Variants in NEURL1B observed in about 807,000 individuals in gnomAD.
The protein encoded by NEURL1B is neuralized E3 ubiquitin protein ligase 1B, also known as E3 ubiquitin-protein ligase NEURL1B.
In NEURL1B, 13 loss-of-function variants were observed where a neutral mutation model predicts 37.4. The observed-to-expected ratio is 0.35, with a 90% CI of 0.23 to 0.55. The LOEUF is 0.55. Ranked by LOEUF, NEURL1B falls within the 20% of genes least tolerant of loss-of-function variation. The pLI, the probability that NEURL1B is intolerant of heterozygous loss-of-function variation, is 0.89. For missense variants in NEURL1B, 790 were observed against 879.2 expected, an observed-to-expected ratio of 0.90 and a Z score of 1.28; for synonymous variants, 432 against 426.6, an observed-to-expected ratio of 1.01 and a Z score of -0.16.
At chr5:172,646,607 C>G (rs1396857546) in intron 1 of NEURL1B, among the ~76,000 whole-genome samples, 3 of 152,140 alleles carry the variant, frequency 2.0e-5, no homozygotes, top group African/African-American at 7.2e-5. Context: ...TTACAGTTCT[C>G]CTGCAGGGGA....
At chr5:172,680,397 G>A (rs1758325896) in intron 2 of NEURL1B, among the ~76,000 whole-genome samples, 1 of 151,806 alleles carries the variant, frequency 6.6e-6, no homozygotes, top group African/African-American at 2.4e-5. Flanking sequence ...GAGCCGCTGG[G>A]GGACAAGAGG....
intron 1 of NEURL1B, chr5:172,656,781 A>T: frequency 1.4e-6 from 1 of 693,294 alleles, no homozygotes; most frequent in Non-Finnish European, 2.5e-6. Context: ...ACACACTGAC[A>T]TATTAATTCT....
At chr5:172,658,482 A>G (rs563403363) in intron 1 of NEURL1B, among the ~76,000 whole-genome samples, 1 of 152,324 alleles carries the variant, frequency 6.6e-6, no homozygotes, top group African/African-American at 2.4e-5. Context: ...GAGAAGGACG[A>G]GACACGCATC....
intron 1 of NEURL1B, among the ~76,000 whole-genome samples, chr5:172,646,949 G>A (rs1243819668): frequency 6.6e-6 from 1 of 152,046 alleles, no homozygotes; most frequent in Non-Finnish European, 1.5e-5. Flanking sequence ...GTCTGGAGGC[G>A]GGGGCCGGGG....
rs1198823260 is a variant in NEURL1B, at chr5:172,647,327, T to C, written c.31+5890T>C. The stretch of plus-strand genomic sequence containing the variant: ...AGTGTCGCGGGGTGGTCCGAGCTTC[T>C]GCACACCTGCCCTGCACTAGGCCCT... On this transcript the variant is annotated intron_variant, in intron 1 of 4. Transcript: ENST00000369800. The surrounding 1 kb of genome is among the most constrained non-coding windows in gnomAD (Gnocchi z 4.2). Among the ~76,000 whole-genome samples, 1 of 152,158 alleles carries C rather than the reference T, an allele frequency of 6.6e-6. No individual in the cohort carries two copies. The highest frequency in any genetic ancestry group is 1.5e-5 in the Non-Finnish European group (1 of 68,016).
At chr5:172,669,450 T>C (rs953421700) in intron 1 of NEURL1B, among the ~76,000 whole-genome samples, 2 of 151,712 alleles carry the variant, frequency 1.3e-5, no homozygotes, top group African/African-American at 4.8e-5. Context: ...TGTGGAGGGA[T>C]TTGATGGGGA....
chr5:172,684,488 G>A (rs1758444292), intron 3 of NEURL1B, among the ~76,000 whole-genome samples: 1 of 152,184 alleles, frequency 6.6e-6, no homozygotes, highest in Non-Finnish European at 1.5e-5. Flanking sequence ...TATCCCCTCG[G>A]TAAATGGTCG....
chr5:172,649,076 G>A (rs960753492), intron 1 of NEURL1B, among the ~76,000 whole-genome samples: 3 of 152,248 alleles, frequency 2.0e-5, no homozygotes, highest in African/African-American at 7.2e-5. Flanking sequence ...TGACCAGTGT[G>A]TAGACATCAA....
chr5:172,670,046 G>A lies in NEURL1B; in HGVS notation c.293G>A (p.Arg98His). 1 of 1,512,946 alleles carries A rather than the reference G, an allele frequency of 6.6e-7. No individual in the cohort carries two copies. 93.7% of individuals were successfully genotyped at this position (1,512,946 alleles called of 1,614,324 possible). A position where few individuals can be genotyped will look rare whatever the true frequency, so the allele number is the denominator to read the frequency against. ...AVRPGWSGAL[R>H]FGFTAHDPSL... ...CGCCCTGGCTGGAGCGGCGCGCTGCGCTTCGGCTTCACCGCGCACGATCCG... is the reference window on the plus strand; with the variant it reads ...CGCCCTGGCTGGAGCGGCGCGCTGCACTTCGGCTTCACCGCGCACGATCCG... The change falls in exon 2 of 5, where the codon CGC becomes CAC. Residue 98 changes from arginine (R) to histidine (H), a missense_variant. Physicochemically the swap from Arg to His is conservative, Grantham distance 29. Coordinates refer to ENST00000369800, the MANE Select transcript of NEURL1B (RefSeq NM_001142651.3).
intron 2 of NEURL1B, among the ~76,000 whole-genome samples, chr5:172,674,683 C>T (rs1311315699): frequency 1.3e-5 from 2 of 152,150 alleles, no homozygotes; most frequent in Admixed American, 1.3e-4. Flanking sequence ...CATAGGTGTA[C>T]ATTGCCCCTT....
intron 1 of NEURL1B, among the ~76,000 whole-genome samples, chr5:172,663,829 T>TTTATTATTATTATTATTATTATTA (rs60738970): frequency 5.7e-4 from 80 of 140,844 alleles, no homozygotes; most frequent in East Asian, 1.0e-3. Context: ...GTTTTATTTG[T>TTTATTATTATTATTATTATTATTA]TTATTATTAT....
chr5:172,678,219 A>G (rs1423756796), intron 2 of NEURL1B, among the ~76,000 whole-genome samples: 1 of 152,208 alleles, frequency 6.6e-6, no homozygotes, highest in Non-Finnish European at 1.5e-5. Flanking sequence ...TGTGTAATAC[A>G]ATATGCATAT....
rs1288054081 is a variant in NEURL1B at position 172,686,023 on chromosome 5, C to T, written c.1298-148C>T. Reference sequence around the variant, plus strand: ...AGAACAGAGGCACCACACTGGGATGCACTCTTCACTCCTCAGCAGAACCCT... The same window carrying T: ...AGAACAGAGGCACCACACTGGGATGTACTCTTCACTCCTCAGCAGAACCCT... On this transcript the variant is annotated intron_variant, in intron 3 of 4. Transcript: ENST00000369800. This position sits in a 1 kb window ranked among gnomAD's most constrained non-coding sequence, Gnocchi z 7.9. The T allele has an allele frequency of 2.4e-6, 2 of 842,154 alleles. No homozygotes were observed. The highest frequency in any genetic ancestry group is 3.6e-6 in the Non-Finnish European group (2 of 557,378). The allele number at this position is 842,154 out of a possible 1,614,324, so 52.2% of individuals were successfully genotyped here. A position where few individuals can be genotyped will look rare whatever the true frequency, so the allele number is the denominator to read the frequency against.
At chr5:172,673,215 C>T (rs1758164603) in intron 2 of NEURL1B, among the ~76,000 whole-genome samples, 1 of 152,044 alleles carries the variant, frequency 6.6e-6, no homozygotes. Flanking sequence ...CTGCTGTTTC[C>T]AGGACAGGAT....
chr5:172,684,039 G>A lies in NEURL1B; in HGVS notation c.1198G>A (p.Gly400Arg). ...CGGCGACGTGCTCCTGGGCATCAAC[G>A]GGCGTCCGCGCGGCCGCCTGCTGTG... ...PGGDVLLGIN[G>R]RPRGRLLCVD... The change falls in exon 3 of 5, where the codon GGG (glycine) becomes AGG (arginine). Residue 400 changes from glycine to arginine, a missense_variant. By Grantham distance (125) the Gly-to-Arg change is moderately radical (BLOSUM62 -2). Coordinates refer to ENST00000369800, the MANE Select transcript of NEURL1B (RefSeq NM_001142651.3). The A allele has an allele frequency of 1.5e-6, 2 of 1,335,004 alleles. No individual in the cohort carries two copies. Among genetic ancestry groups the A allele is most frequent in the Non-Finnish European group, 1.9e-6 (2 of 1,040,208 alleles). 82.7% of individuals were successfully genotyped at this position (1,335,004 alleles called of 1,614,324 possible).
At chr5:172,658,026 C>T (rs187061385) in intron 1 of NEURL1B, among the ~76,000 whole-genome samples, 2 of 152,314 alleles carry the variant, frequency 1.3e-5, no homozygotes, top group East Asian at 3.9e-4. Flanking sequence ...GCCCCCTGTC[C>T]AGTGATCACG....
Position 172,674,318 on chromosome 5 carries a change from T to C in NEURL1B, c.577+3988T>C, listed in dbSNP as rs192782262. 1.2e-3 allele frequency among the ~76,000 whole-genome samples: 178 copies of C among 152,222 alleles called. 1 individual carries two copies. The highest frequency in any genetic ancestry group is 2.0e-3 in the Non-Finnish European group (137 of 67,994). ...GTAGGCCTCACATATTTTTTTTGCC[T>C]GGTGGAACTTTGAGCCCAGCCCAGT... is the stretch of plus-strand genomic sequence containing the variant. On this transcript the variant is annotated intron_variant, in intron 2 of 4. Coordinates refer to ENST00000369800, the MANE Select transcript of NEURL1B (RefSeq NM_001142651.3).
At chr5:172,670,420 GGA>G in intron 2 of NEURL1B, 90 bp downstream of exon 2, 1 of 1,075,344 alleles carries the variant, frequency 9.3e-7, no homozygotes, top group Non-Finnish European at 1.2e-6. Context: ...AGTCACTTAT[GGA>G]GAGCTCCTTT....
rs1242488947 is a variant in NEURL1B, at chr5:172,683,214, T to C, written c.578-205T>C. 2.0e-5 allele frequency among the ~76,000 whole-genome samples: 3 copies of C among 152,056 alleles called. No individual in the cohort carries two copies. Among genetic ancestry groups the C allele is most frequent in the Admixed American group, 6.6e-5 (1 of 15,260 alleles). On this transcript the variant is annotated intron_variant, in intron 2 of 4. Coordinates refer to ENST00000369800, the MANE Select transcript of NEURL1B (RefSeq NM_001142651.3). This position sits in a 1 kb window ranked among gnomAD's most constrained non-coding sequence, Gnocchi z 5.6. ...AAGAGCATGTCAAGGAAACCGAGGATGGTGCTTAATGCAATTCTGTGCTCC... is the reference window on the plus strand; with the variant it reads ...AAGAGCATGTCAAGGAAACCGAGGACGGTGCTTAATGCAATTCTGTGCTCC...
Sources: gnomAD v4.1 joint callset for allele counts (sites outside exome capture counted in the v4.1 genomes callset) on GRCh38, gnomAD v4.1.1 for gene constraint, Gnocchi (gnomAD v3.1) non-coding constraint, MANE v1.5 for transcripts, NCBI Gene and HGNC (gene_info 2026-07-23, HGNC 2026-07-21) for gene names.